Variants in CFAP299 observed in about 807,000 individuals in gnomAD.
CFAP299 encodes cilia- and flagella-associated protein 299.
CFAP299 carries 21 observed loss-of-function variants against 27.0 expected under a neutral mutation model. That is an observed-to-expected ratio of 0.78 (90% confidence interval 0.55 to 1.12). CFAP299 has a LOEUF of 1.12. Among genes scored for constraint, CFAP299 ranks in the 50% most tolerant of loss-of-function variants. CFAP299 has a pLI of 0.00. For missense variants in CFAP299, 310 were observed against 276.6 expected (o/e 1.12, Z -0.86); for synonymous variants, 104 against 98.1 (o/e 1.06, Z -0.36).
intron 4 of CFAP299, among the ~76,000 whole-genome samples, chr4:80,886,271 G>T (rs751818059): frequency 1.2e-4 from 19 of 152,198 alleles, no homozygotes; most frequent in South Asian, 2.1e-4. Flanking sequence ...CCCAGGGCCT[G>T]GGGAAACTCT....
chr4:80,369,877 T>G (rs1724046234), intron 2 of CFAP299, among the ~76,000 whole-genome samples: 1 of 152,220 alleles, frequency 6.6e-6, no homozygotes, highest in Admixed American at 6.5e-5. Flanking sequence ...GGATAGTGCA[T>G]GCATAATATG....
At chr4:80,549,101 G>A (rs928813277) in intron 2 of CFAP299, among the ~76,000 whole-genome samples, 1 of 152,052 alleles carries the variant, frequency 6.6e-6, no homozygotes, top group Non-Finnish European at 1.5e-5. Flanking sequence ...TATTAAGACA[G>A]GTTTGTGATT....
In CFAP299 at chr4:80,736,616, C is replaced by A. The variant is rs1053986675; in HGVS notation, c.334-133377C>A. Among the ~76,000 whole-genome samples, 154 of 152,176 alleles carry A rather than the reference C, an allele frequency of 1.0e-3. 1 individual carries two copies. Among genetic ancestry groups the A allele is most frequent in the Non-Finnish European group, 7.2e-4 (49 of 68,012 alleles). On this transcript the variant is annotated intron_variant, in intron 3 of 5. Transcript: ENST00000358105. ...TGCAAATCAAAACCACAATGAGATA[C>A]CATCTCACACCAGTTAGAATGGCAT...
intron 3 of CFAP299, among the ~76,000 whole-genome samples, chr4:80,645,768 C>T (rs1345419846): frequency 1.3e-5 from 2 of 151,968 alleles, no homozygotes; most frequent in Non-Finnish European, 2.9e-5. Flanking sequence ...GATGTTTGGC[C>T]CCTATCATGT....
At chr4:80,382,904 A>G (rs572093089) in intron 2 of CFAP299, among the ~76,000 whole-genome samples, 1 of 152,300 alleles carries the variant, frequency 6.6e-6, no homozygotes, top group East Asian at 1.9e-4. Flanking sequence ...AGCACTGTTC[A>G]CAATTGCAGA....
chr4:80,374,878 ATGTTTGCATATGACTTTGTCCTTGGCC>A (rs1724326675), intron 2 of CFAP299, among the ~76,000 whole-genome samples: 2 of 151,496 alleles, frequency 1.3e-5, no homozygotes, highest in Admixed American at 1.3e-4. Context: ...AATCTTTTAT[ATGTTTGCATATGACTTTGTCCTTGGCC>A]TGTTTGCATA....
rs1726378394 is a variant in CFAP299, at chr4:80,405,681, A to G, written c.242+42797A>G. Among the ~76,000 whole-genome samples the G allele has an allele frequency of 2.0e-5, 3 of 152,094 alleles. No individual in the cohort carries two copies. The South Asian group carries it at 6.2e-4, about 32-fold the overall frequency. On this transcript the variant is annotated intron_variant, in intron 2 of 5. Coordinates refer to ENST00000358105, the MANE Select transcript of CFAP299 (RefSeq NM_152770.3). ...TATTGTTTGGTATTATTAGTATATT[A>G]GTATTTAAGCACATCCTTCTGCAAA...
At chr4:80,961,170 A>T (rs1738326227) in intron 5 of CFAP299, among the ~76,000 whole-genome samples, 1 of 151,772 alleles carries the variant, frequency 6.6e-6, no homozygotes, top group Non-Finnish European at 1.5e-5. Context: ...ATATAAATTT[A>T]TAGTTTTCAT....
At chr4:80,894,886 G>A (rs1179237476) in intron 4 of CFAP299, among the ~76,000 whole-genome samples, 1 of 151,850 alleles carries the variant, frequency 6.6e-6, no homozygotes, top group Non-Finnish European at 1.5e-5. Flanking sequence ...AGGACATAAT[G>A]CTAAGTGAAA....
intron 3 of CFAP299, among the ~76,000 whole-genome samples, chr4:80,721,849 A>G (rs1412045072): frequency 2.0e-5 from 3 of 152,168 alleles, no homozygotes; most frequent in African/African-American, 7.2e-5. Flanking sequence ...AGAATTCTTT[A>G]CCCAATAAAA....
chr4:80,536,642 G>A (rs941732057), intron 2 of CFAP299, among the ~76,000 whole-genome samples: 2 of 152,098 alleles, frequency 1.3e-5, no homozygotes, highest in Admixed American at 6.5e-5. Context: ...AAGAATGTTG[G>A]CAAGAAAACT....
At chr4:80,572,955 A>G (rs57503388) in intron 2 of CFAP299, among the ~76,000 whole-genome samples, 12,117 of 152,162 alleles carry the variant, frequency 0.08, 720 homozygotes, top group East Asian at 0.26. Context: ...CAGACATGAT[A>G]TACTGATATA....
chr4:80,790,307 A>G (rs1402387435), intron 3 of CFAP299: 1 of 152,034 alleles, frequency 6.6e-6, no homozygotes, highest in Non-Finnish European at 1.5e-5. Flanking sequence ...TAACACATAG[A>G]AATTTCACAA....
intron 2 of CFAP299, among the ~76,000 whole-genome samples, chr4:80,438,298 G>C (rs1728190478): frequency 2.6e-5 from 4 of 152,162 alleles, no homozygotes; most frequent in Admixed American, 1.3e-4. Flanking sequence ...AGAAGTCTAG[G>C]AAAAGCCTTC....
At chr4:80,875,256 G>A (rs550839587) in intron 4 of CFAP299, among the ~76,000 whole-genome samples, 32 of 152,262 alleles carry the variant, frequency 2.1e-4, no homozygotes, top group Non-Finnish European at 3.4e-4. Context: ...AGATCTGCCT[G>A]CAGAATTGTT....
chr4:80,398,639 G>A (rs1725955698), intron 2 of CFAP299, among the ~76,000 whole-genome samples: 2 of 152,062 alleles, frequency 1.3e-5, no homozygotes, highest in Admixed American at 1.3e-4. Flanking sequence ...CTGGCCACAT[G>A]TAGAAAGCTG....
intron 3 of CFAP299, among the ~76,000 whole-genome samples, chr4:80,775,185 G>A (rs992671964): frequency 6.6e-6 from 1 of 151,558 alleles, no homozygotes; most frequent in Non-Finnish European, 1.5e-5. Context: ...TCCCTATATA[G>A]GTAACCCATA....
intron 4 of CFAP299, among the ~76,000 whole-genome samples, chr4:80,894,958 A>G (rs2110190120): frequency 6.6e-6 from 1 of 152,118 alleles, no homozygotes; most frequent in South Asian, 2.1e-4. Flanking sequence ...ATCTAAAAAA[A>G]TCTCACTCAC....
chr4:80,503,718 C>A (rs1731853596), intron 2 of CFAP299, among the ~76,000 whole-genome samples: 1 of 152,154 alleles, frequency 6.6e-6, no homozygotes, highest in Non-Finnish European at 1.5e-5. Context: ...TATATATCTT[C>A]CACCATTTTC....
Sources: allele counts gnomAD v4.1 joint callset (sites outside exome capture counted in the v4.1 genomes callset), GRCh38; gene constraint gnomAD v4.1.1; transcripts MANE v1.5; gene names NCBI Gene and HGNC (gene_info 2026-07-23, HGNC 2026-07-21).